Variants in ARHGAP15 observed in about 807,000 individuals in gnomAD.
ARHGAP15 encodes the protein rho GTPase-activating protein 15.
In ARHGAP15, 51 loss-of-function variants were observed where a neutral mutation model predicts 63.7. The ratio of observed to expected loss-of-function variants is 0.80; its 90% confidence interval spans 0.64 to 1.01. The LOEUF (loss-of-function observed/expected upper bound fraction) is 1.01, where lower values mean the gene tolerates loss of function less well. ARHGAP15 is among the 50% of genes least tolerant of loss of function. The probability of loss-of-function intolerance (pLI) is 0.00; values close to 1 mark genes in which losing one functional copy is unlikely to be tolerated. For synonymous variants in ARHGAP15, 191 were observed against 193.8 expected (o/e 0.99, Z 0.12); for missense variants, 560 against 564.6 (o/e 0.99, Z 0.08).
intron 11 of ARHGAP15, among the ~76,000 whole-genome samples, chr2:143,587,081 C>T (rs67182475): frequency 0.28 from 42,460 of 151,948 alleles, 6,604 homozygotes; most frequent in African/African-American, 0.42. Context: ...GCCTTCAGTA[C>T]CACCTCCCTT....
chr2:143,634,894 C>T (rs965725159), intron 12 of ARHGAP15, among the ~76,000 whole-genome samples: 3 of 152,056 alleles, frequency 2.0e-5, no homozygotes, highest in Non-Finnish European at 4.4e-5. Flanking sequence ...TGCTATCCAG[C>T]TTCTCCGACC....
intron 3 of ARHGAP15, among the ~76,000 whole-genome samples, chr2:143,212,583 G>GT (rs1459392908): frequency 2.0e-5 from 3 of 152,128 alleles, no homozygotes; most frequent in Non-Finnish European, 4.4e-5. Context: ...ACCTAGAGCT[G>GT]TAAGTAATTT....
At chr2:143,633,290 A>G (rs1680144470) in intron 12 of ARHGAP15, among the ~76,000 whole-genome samples, 1 of 152,166 alleles carries the variant, frequency 6.6e-6, no homozygotes, top group Non-Finnish European at 1.5e-5. Context: ...ATTGAAGAAA[A>G]ATACTTGACT....
At chr2:143,759,073 T>G (rs1266161012) in intron 13 of ARHGAP15, among the ~76,000 whole-genome samples, 1 of 152,174 alleles carries the variant, frequency 6.6e-6, no homozygotes, top group Non-Finnish European at 1.5e-5. Context: ...CATTACAAAA[T>G]GTTTAGCAGG....
chr2:143,725,258 T>C (rs941852037), intron 13 of ARHGAP15, among the ~76,000 whole-genome samples: 1 of 152,184 alleles, frequency 6.6e-6, no homozygotes, highest in Non-Finnish European at 1.5e-5. Context: ...GCAGTCAATC[T>C]TGTGACATAC....
chr2:143,729,346 T>C (rs1431820772), intron 13 of ARHGAP15, among the ~76,000 whole-genome samples: 1 of 152,208 alleles, frequency 6.6e-6, no homozygotes, highest in African/African-American at 2.4e-5. Flanking sequence ...TCACTGGTCA[T>C]TATTTCCTGG....
intron 6 of ARHGAP15, among the ~76,000 whole-genome samples, chr2:143,347,072 A>G (rs1300162971): frequency 2.6e-5 from 4 of 152,146 alleles, no homozygotes; most frequent in African/African-American, 9.7e-5. Flanking sequence ...GTAAGAATTC[A>G]CTTATCTCAT....
intron 6 of ARHGAP15, among the ~76,000 whole-genome samples, chr2:143,385,727 C>A (rs754540216): frequency 2.0e-5 from 3 of 152,016 alleles, no homozygotes; most frequent in Non-Finnish European, 4.4e-5. Flanking sequence ...ATATTGTTCT[C>A]CGAAACTAAA....
chr2:143,599,258 G>A (rs1169880376), intron 11 of ARHGAP15, among the ~76,000 whole-genome samples: 1 of 152,160 alleles, frequency 6.6e-6, no homozygotes, highest in Non-Finnish European at 1.5e-5. Flanking sequence ...AAAAAACCAT[G>A]TTAATGAACT....
chr2:143,538,015 A>G (rs541889802), intron 10 of ARHGAP15, among the ~76,000 whole-genome samples: 10 of 152,306 alleles, frequency 6.6e-5, no homozygotes, highest in South Asian at 2.1e-4. Flanking sequence ...CCATGAGCAT[A>G]GAATATTCTT....
At chr2:143,636,995 T>C (rs1453327433) in intron 12 of ARHGAP15, among the ~76,000 whole-genome samples, 2 of 152,084 alleles carry the variant, frequency 1.3e-5, no homozygotes, top group Non-Finnish European at 2.9e-5. Context: ...CACAAGATCA[T>C]TGTGTCCTCA....
chr2:143,746,687 TGA>T (rs1467591714), intron 13 of ARHGAP15, among the ~76,000 whole-genome samples: 1 of 152,076 alleles, frequency 6.6e-6, no homozygotes. Flanking sequence ...GCAATCTAAT[TGA>T]GAGAGTAAAA....
At chr2:143,483,429 T>C (rs571111002) in intron 8 of ARHGAP15, among the ~76,000 whole-genome samples, 1 of 152,334 alleles carries the variant, frequency 6.6e-6, no homozygotes, top group Non-Finnish European at 1.5e-5. Context: ...TATTCTATCA[T>C]GGGAAATGGC....
intron 12 of ARHGAP15, among the ~76,000 whole-genome samples, chr2:143,678,362 G>T (rs956113290): frequency 2.0e-5 from 3 of 152,166 alleles, no homozygotes; most frequent in African/African-American, 7.2e-5. Context: ...ATACTAGCAA[G>T]TAGTTTTTGA....
At chr2:143,429,350 C>T (rs1305230059) in intron 6 of ARHGAP15, among the ~76,000 whole-genome samples, 1 of 151,010 alleles carries the variant, frequency 6.6e-6, no homozygotes, top group African/African-American at 2.4e-5. Flanking sequence ...TTATGCAGAA[C>T]AAATCTCTGT....
Position 143,342,058 on chromosome 2 carries a change from A to T in ARHGAP15, c.474+91458A>T, listed in dbSNP as rs373684543. ...CCATGCATTAATGGTAGAATTGGAG[A>T]CAACTCCATATTTGTTTTCAAATAC... On this transcript the variant is annotated intron_variant, in intron 6 of 13. Transcript: ENST00000295095. Among the ~76,000 whole-genome samples, 8 of 152,244 alleles carry T rather than the reference A, an allele frequency of 5.3e-5. No homozygotes were observed. The East Asian group carries it at 1.2e-3, about 22-fold the overall frequency.
intron 6 of ARHGAP15, among the ~76,000 whole-genome samples, chr2:143,331,234 C>T (rs75558250): frequency 0.029 from 4,381 of 152,144 alleles, 88 homozygotes; most frequent in Non-Finnish European, 0.044. Flanking sequence ...ATTTTCTATT[C>T]TTCTGGACAT....
intron 6 of ARHGAP15, among the ~76,000 whole-genome samples, chr2:143,342,561 G>A (rs1039129785): frequency 1.3e-5 from 2 of 151,982 alleles, no homozygotes; most frequent in Non-Finnish European, 2.9e-5. Context: ...GCATTTTAAA[G>A]GCTGTAAGCT....
rs1197421952 is a variant in ARHGAP15 at position 143,151,229 on chromosome 2, C to G, written c.-14-4248C>G. On this transcript the variant is annotated intron_variant, in intron 1 of 13. Transcript: ENST00000295095. ...TTCTTTTGAGTCGATGTTGAGCAGG[C>G]TTTGCAATGGAGTTTCTTCCCTAGA... Among the ~76,000 whole-genome samples, 3 of 151,946 alleles carry G rather than the reference C, an allele frequency of 2.0e-5. No individual in the cohort carries two copies. In the South Asian group the frequency reaches 6.2e-4, roughly 31 times the overall value.
Sources: allele counts gnomAD v4.1 joint callset (sites outside exome capture counted in the v4.1 genomes callset), GRCh38; gene constraint gnomAD v4.1.1; transcripts MANE v1.5; gene names NCBI Gene and HGNC (gene_info 2026-07-23, HGNC 2026-07-21).